SHISA6: variants seen among roughly 807,000 people sequenced by gnomAD.
The protein encoded by SHISA6 is shisa family member 6, also known as protein shisa-6.
In SHISA6, 22 loss-of-function variants were observed where a neutral mutation model predicts 47.9. The ratio of observed to expected loss-of-function variants is 0.46; its 90% confidence interval spans 0.33 to 0.66. SHISA6 has a LOEUF of 0.66. Among genes scored for constraint, SHISA6 ranks in the 30% least tolerant of loss-of-function variants. The probability of loss-of-function intolerance (pLI) is 0.02; values close to 1 mark genes in which losing one functional copy is unlikely to be tolerated. For synonymous variants in SHISA6, 388 were observed against 337.8 expected, an observed-to-expected ratio of 1.15 and a Z score of -1.63; for missense variants, 680 against 764.6, an observed-to-expected ratio of 0.89 and a Z score of 1.30.
At chr17:11,289,773 G>A (rs1414373613) in intron 2 of SHISA6, 3 of 151,932 alleles carry the variant, frequency 2.0e-5, no homozygotes, top group Non-Finnish European at 4.4e-5. Context: ...AGCTCTTCTG[G>A]ATCAGTGATT....
intron 1 of SHISA6, among the ~76,000 whole-genome samples, chr17:11,245,281 C>G (rs1907531915): frequency 6.6e-6 from 1 of 152,230 alleles, no homozygotes; most frequent in South Asian, 2.1e-4. Context: ...CCGTGCCTGC[C>G]TTTCCCAACC....
intron 2 of SHISA6, among the ~76,000 whole-genome samples, chr17:11,336,278 A>T (rs1232437359): frequency 6.6e-6 from 1 of 152,008 alleles, no homozygotes; most frequent in Non-Finnish European, 1.5e-5. Flanking sequence ...AAGTTTGTTT[A>T]TTTTATGGCT....
Position 11,430,630 on chromosome 17 carries a change from T to C in SHISA6, c.895+51121T>C, listed in dbSNP as rs1209941864. ...GGCTGCCTCAAGAGAGCCCTATTTA[T>C]GTCTTATGGCAGCATGAGGGCTCAC... On this transcript the variant is annotated intron_variant, in intron 3 of 5. Coordinates refer to ENST00000441885, the MANE Select transcript of SHISA6 (RefSeq NM_207386.4). Among the ~76,000 whole-genome samples the C allele has an allele frequency of 3.3e-5, 5 of 152,078 alleles. No individual in the cohort carries two copies. The East Asian group carries it at 9.6e-4, about 29-fold the overall frequency.
At chr17:11,278,081 G>A (rs1908986263) in intron 2 of SHISA6, among the ~76,000 whole-genome samples, 1 of 152,114 alleles carries the variant, frequency 6.6e-6, no homozygotes, top group Non-Finnish European at 1.5e-5. Flanking sequence ...CAAACCGTTG[G>A]TATTAAAAAA....
intron 2 of SHISA6, among the ~76,000 whole-genome samples, chr17:11,294,838 T>C (rs1043839333): frequency 1.3e-5 from 2 of 152,208 alleles, no homozygotes; most frequent in Non-Finnish European, 2.9e-5. Flanking sequence ...CTTTTTTCTT[T>C]CTGTATTAAG....
intron 3 of SHISA6, among the ~76,000 whole-genome samples, chr17:11,406,760 A>G (rs770051953): frequency 6.6e-6 from 1 of 152,078 alleles, no homozygotes; most frequent in Admixed American, 6.5e-5. Context: ...TGCTTTCTCT[A>G]TTAGATTGTA....
intron 2 of SHISA6, among the ~76,000 whole-genome samples, chr17:11,374,068 A>G (rs895512770): frequency 2.6e-5 from 4 of 152,194 alleles, no homozygotes; most frequent in African/African-American, 9.6e-5. Context: ...AGGCTCAGGC[A>G]TTTTAATTTT....
rs117950047 is a variant in SHISA6, at chr17:11,443,144, A to G, written c.895+63635A>G. ...CACACGTACTTGACCCGGCCTGAGA[A>G]GCCTTGTCTTCAGGAGTCTCGAAGG... On this transcript the variant is annotated intron_variant, in intron 3 of 5. Coordinates refer to ENST00000441885, the MANE Select transcript of SHISA6 (RefSeq NM_207386.4). Among the ~76,000 whole-genome samples the G allele has an allele frequency of 3.1e-3, 479 of 152,296 alleles. 3 individuals carry two copies. The highest frequency in any genetic ancestry group is 4.5e-3 in the Non-Finnish European group (307 of 68,040).
At chr17:11,430,886 A>C (rs1914752998) in intron 3 of SHISA6, among the ~76,000 whole-genome samples, 1 of 152,184 alleles carries the variant, frequency 6.6e-6, no homozygotes, top group Non-Finnish European at 1.5e-5. Flanking sequence ...CACACATAGC[A>C]CAGCACGAGG....
intron 2 of SHISA6, among the ~76,000 whole-genome samples, chr17:11,371,699 G>T (rs1324442667): frequency 2.6e-5 from 4 of 151,428 alleles, no homozygotes; most frequent in Admixed American, 6.6e-5. Context: ...TTAGGTTTTT[G>T]TTGTTGTTGT....
intron 1 of SHISA6, among the ~76,000 whole-genome samples, chr17:11,244,912 G>A (rs940487092): frequency 6.6e-6 from 1 of 152,100 alleles, no homozygotes; most frequent in African/African-American, 2.4e-5. Flanking sequence ...GACATTTATG[G>A]GAGTGTGAGC....
At chr17:11,336,101 C>T (rs919314841) in intron 2 of SHISA6, among the ~76,000 whole-genome samples, 6 of 151,472 alleles carry the variant, frequency 4.0e-5, no homozygotes, top group African/African-American at 9.7e-5. Flanking sequence ...CCCAGCTATT[C>T]GGGAGGCTGA....
At chr17:11,344,278 T>G (rs772409374) in intron 2 of SHISA6, among the ~76,000 whole-genome samples, 1 of 152,320 alleles carries the variant, frequency 6.6e-6, no homozygotes, top group Non-Finnish European at 1.5e-5. Flanking sequence ...TAAGTTGTCT[T>G]TTAACTTTTC....
At chr17:11,334,897 T>C (rs1911265452) in intron 2 of SHISA6, among the ~76,000 whole-genome samples, 1 of 152,146 alleles carries the variant, frequency 6.6e-6, no homozygotes, top group Non-Finnish European at 1.5e-5. Flanking sequence ...GGCCACCCAT[T>C]CCCATCCCCG....
chr17:11,446,068 C>T (rs1358566086), intron 3 of SHISA6, among the ~76,000 whole-genome samples: 2 of 152,116 alleles, frequency 1.3e-5, no homozygotes, highest in African/African-American at 4.8e-5. Flanking sequence ...CCTCGTGATC[C>T]GCCCGCCTCG....
chr17:11,244,345 G>T (rs540025666), intron 1 of SHISA6, among the ~76,000 whole-genome samples: 2 of 152,226 alleles, frequency 1.3e-5, no homozygotes, highest in South Asian at 4.1e-4. Flanking sequence ...TGTGTGGTAG[G>T]GGGACAGGGC....
chr17:11,335,635 C>A (rs1911291868), intron 2 of SHISA6, among the ~76,000 whole-genome samples: 1 of 152,076 alleles, frequency 6.6e-6, no homozygotes, highest in Non-Finnish European at 1.5e-5. Flanking sequence ...TGGCAAAAAC[C>A]TAGTGTTTGA....
In SHISA6 at chr17:11,559,650, G is replaced by A. The variant is rs1382429982; in HGVS notation, c.*1346G>A. 6.6e-6 allele frequency: 1 copy of A among 152,434 alleles called. No homozygotes were observed. Among genetic ancestry groups the A allele is most frequent in the Non-Finnish European group, 1.5e-5 (1 of 68,230 alleles). 9.4% of individuals were successfully genotyped at this position (152,434 alleles called of 1,614,324 possible). ...GCAAAAGCAAACAAAGGTCCTCCAG[G>A]CGACTGGCCTAGGGGCTAACTGGGC... is the stretch of plus-strand genomic sequence containing the variant. On this transcript the variant is annotated 3_prime_UTR_variant, in exon 6 of 6. Transcript: ENST00000441885. This position sits in a 1 kb window ranked among gnomAD's most constrained non-coding sequence, Gnocchi z 4.4.
chr17:11,485,450 G>A (rs1001700869), intron 3 of SHISA6, among the ~76,000 whole-genome samples: 1 of 152,196 alleles, frequency 6.6e-6, no homozygotes, highest in African/African-American at 2.4e-5. Flanking sequence ...GGGCAATGCT[G>A]TCTCACATTA....
Sources: gnomAD v4.1 joint callset for allele counts (sites outside exome capture counted in the v4.1 genomes callset) on GRCh38, gnomAD v4.1.1 for gene constraint, Gnocchi (gnomAD v3.1) non-coding constraint, MANE v1.5 for transcripts, NCBI Gene and HGNC (gene_info 2026-07-23, HGNC 2026-07-21) for gene names.